ZNF831: variants seen among roughly 807,000 people sequenced by gnomAD.
The protein encoded by ZNF831 is zinc finger protein 831.
A neutral mutation model predicts 95.8 loss-of-function variants in ZNF831; 59 were observed. That is an observed-to-expected ratio of 0.62 (90% CI 0.50 to 0.77). The LOEUF (loss-of-function observed/expected upper bound fraction) is 0.77. Among genes scored for constraint, ZNF831 ranks in the 30% least tolerant of loss-of-function variants. ZNF831 has a pLI of 0.00. For missense variants in ZNF831, 2,205 were observed against 2,164.0 expected, an observed-to-expected ratio of 1.02 and a Z score of -0.38; for synonymous variants, 961 against 925.5, an observed-to-expected ratio of 1.04 and a Z score of -0.70.
chr20:59,160,522 C>T (rs184402863), upstream of ZNF831: 16 of 152,426 alleles, frequency 1.0e-4, 1 homozygote, highest in African/African-American at 3.8e-4. Flanking sequence ...CACACTTAGC[C>T]CTGAGTGTAC....
chr20:59,254,696 A>G lies in ZNF831; in HGVS notation c.4987A>G (p.Ser1663Gly), dbSNP rs2146773939. 1 of 1,614,114 alleles carries G rather than the reference A, an allele frequency of 6.2e-7. No individual in the cohort carries two copies. The highest frequency in any genetic ancestry group is 1.3e-5 in the African/African-American group (1 of 75,040). ...GAGAAAGCAAACTCGAGTAGAGTTC[A>G]GTGACACCAGCAGCGACGATGAAGA... ...GMRKQTRVEF[S>G]DTSSDDEDRL... The change falls in exon 6 of 6, where the codon AGT becomes GGT. Residue 1663 changes from serine (S) to glycine (G), a missense_variant. Coordinates refer to ENST00000371030, the MANE Select transcript of ZNF831 (RefSeq NM_178457.3). The surrounding 1 kb of genome is among the most constrained non-coding windows in gnomAD (Gnocchi z 4.5).
chr20:59,134,500 T>C (rs1043079472), intron 1 of ZNF831, among the ~76,000 whole-genome samples: 6 of 152,198 alleles, frequency 3.9e-5, no homozygotes, highest in African/African-American at 1.4e-4. Flanking sequence ...TTTAAGCAGA[T>C]GGAAACTGTG....
At chr20:59,235,271 C>T (rs927328256) in intron 4 of ZNF831, among the ~76,000 whole-genome samples, 8 of 152,124 alleles carry the variant, frequency 5.3e-5, no homozygotes, top group Non-Finnish European at 1.0e-4. Context: ...ATGCTGACCT[C>T]GAGCACCCGG....
upstream of ZNF831, among the ~76,000 whole-genome samples, chr20:59,162,136 A>G (rs1487378222): frequency 6.6e-6 from 1 of 152,078 alleles, no homozygotes; most frequent in Non-Finnish European, 1.5e-5. Context: ...TAAGTTCCTT[A>G]TAGATTCTGA....
intron 4 of ZNF831, among the ~76,000 whole-genome samples, chr20:59,249,633 G>C (rs1464131790): frequency 6.6e-6 from 1 of 152,104 alleles, no homozygotes; most frequent in Non-Finnish European, 1.5e-5. Context: ...TGAGTACACG[G>C]GAGGGTCAAG....
At chr20:59,145,185 T>C (rs1187812395) in intron 1 of ZNF831, among the ~76,000 whole-genome samples, 1 of 152,220 alleles carries the variant, frequency 6.6e-6, no homozygotes, top group African/African-American at 2.4e-5. Flanking sequence ...TGGTGAACTT[T>C]GACCGGACCC....
chr20:59,124,540 A>C (rs948056315), intron 1 of ZNF831, among the ~76,000 whole-genome samples: 7 of 152,128 alleles, frequency 4.6e-5, no homozygotes, highest in Non-Finnish European at 7.4e-5. Flanking sequence ...GGGTTGGGGG[A>C]TTACAGATGT....
chr20:59,198,439 T>C (rs985771364), intron 3 of ZNF831, among the ~76,000 whole-genome samples: 2 of 152,262 alleles, frequency 1.3e-5, no homozygotes, highest in Admixed American at 6.5e-5. Flanking sequence ...AAGAGCTGTG[T>C]TCCCTGCTGC....
intron 2 of ZNF831, among the ~76,000 whole-genome samples, chr20:59,195,545 C>T (rs1166055004): frequency 1.3e-5 from 2 of 152,070 alleles, no homozygotes; most frequent in African/African-American, 4.8e-5. Flanking sequence ...CAGTAGGGCC[C>T]CAGGGGTGTG....
chr20:59,221,946 T>C (rs1986103599), intron 4 of ZNF831, among the ~76,000 whole-genome samples: 1 of 152,196 alleles, frequency 6.6e-6, no homozygotes, highest in African/African-American at 2.4e-5. Context: ...CTCAGAGATG[T>C]TTATTTCTCA....
At chr20:59,164,736 A>G (rs1981117432) in intron 1 of ZNF831, among the ~76,000 whole-genome samples, 1 of 152,228 alleles carries the variant, frequency 6.6e-6, no homozygotes, top group Non-Finnish European at 1.5e-5. Context: ...ACAAGGGCCA[A>G]TAGTCCATGT....
chr20:59,166,622 C>T (rs935223756), intron 1 of ZNF831, among the ~76,000 whole-genome samples: 1 of 152,052 alleles, frequency 6.6e-6, no homozygotes, highest in Non-Finnish European at 1.5e-5. Context: ...ACTAGTCTGT[C>T]CTCCAGTTTT....
chr20:59,200,478 A>T (rs1476518389), intron 3 of ZNF831, among the ~76,000 whole-genome samples: 1 of 152,218 alleles, frequency 6.6e-6, no homozygotes, highest in Admixed American at 6.5e-5. Context: ...ATTAAAGTAT[A>T]ATTAAATTTT....
At chr20:59,151,217 C>T (rs1362632088) in intron 2 of ZNF831, among the ~76,000 whole-genome samples, 2 of 152,160 alleles carry the variant, frequency 1.3e-5, no homozygotes, top group Admixed American at 6.5e-5. Context: ...TTGATGTGTG[C>T]ATGACCTGCC....
At chr20:59,142,708 C>G (rs544113348) in intron 1 of ZNF831, among the ~76,000 whole-genome samples, 1 of 152,344 alleles carries the variant, frequency 6.6e-6, no homozygotes, top group East Asian at 1.9e-4. Flanking sequence ...GCAAAAATTT[C>G]ATAGTGCTTT....
intron 1 of ZNF831, among the ~76,000 whole-genome samples, chr20:59,127,373 G>C (rs1368135236): frequency 6.6e-6 from 1 of 152,150 alleles, no homozygotes; most frequent in Non-Finnish European, 1.5e-5. Flanking sequence ...GAAAACCTCA[G>C]TCAGGTCATG....
At chr20:59,171,575 T>C (rs552514996) in intron 1 of ZNF831, among the ~76,000 whole-genome samples, 2 of 152,354 alleles carry the variant, frequency 1.3e-5, no homozygotes, top group African/African-American at 4.8e-5. Flanking sequence ...GCTGTATCAA[T>C]TGCTCTTCAA....
Position 59,194,114 on chromosome 20 carries a change from C to G in ZNF831, c.3095C>G (p.Thr1032Ser), listed in dbSNP as rs778100858. 1 of 1,555,592 alleles carries G rather than the reference C, an allele frequency of 6.4e-7. No homozygotes were observed. The highest frequency in any genetic ancestry group is 1.8e-5 in the Admixed American group (1 of 54,212). The stretch of plus-strand genomic sequence containing the variant: ...GGGGACAAGGGGGACAGGATGGCCA[C>G]TAGCAGGCCAGCAGCCAGGGAGTTG... ...LGGDKGDRMA[T>S]SRPAARELPI... The change falls in exon 2 of 6, where the codon ACT becomes AGT. Residue 1032 changes from threonine to serine, a missense_variant. Thr to Ser is a moderately conservative substitution (Grantham distance 58). Transcript: ENST00000371030.
intron 1 of ZNF831, among the ~76,000 whole-genome samples, chr20:59,187,787 A>G (rs1435384674): frequency 1.3e-5 from 2 of 152,234 alleles, no homozygotes; most frequent in Non-Finnish European, 2.9e-5. Context: ...CGTTGTACCC[A>G]GTTAAAGCCT....
Sources: gnomAD v4.1 joint callset for allele counts (sites outside exome capture counted in the v4.1 genomes callset) on GRCh38, gnomAD v4.1.1 for gene constraint, Gnocchi (gnomAD v3.1) non-coding constraint, MANE v1.5 for transcripts, NCBI Gene and HGNC (gene_info 2026-07-23, HGNC 2026-07-21) for gene names.